The following FAM110B variants were observed in gnomAD, a reference collection of about 807,000 sequenced individuals.
FAM110B encodes family with sequence similarity 110 member B.
A neutral mutation model predicts 20.4 loss-of-function variants in FAM110B; 6 were observed. That is an observed-to-expected ratio of 0.29 (90% confidence interval 0.16 to 0.58). The LOEUF (loss-of-function observed/expected upper bound fraction) is 0.58, where lower values mean the gene tolerates loss of function less well. FAM110B is among the 20% of genes least tolerant of loss of function. The probability of loss-of-function intolerance (pLI) is 0.90; values close to 1 mark genes in which losing one functional copy is unlikely to be tolerated. For synonymous variants in FAM110B, 226 were observed against 214.1 expected (o/e 1.06, Z -0.49); for missense variants, 434 against 498.2 (o/e 0.87, Z 1.23).
chr8:58,078,802 A>G lies in FAM110B; in HGVS notation c.-325+3179A>G, dbSNP rs1031432383. Among the ~76,000 whole-genome samples, 6 of 152,130 alleles carry G rather than the reference A, an allele frequency of 3.9e-5. No homozygotes were observed. The East Asian group carries it at 7.7e-4, about 20-fold the overall frequency. The stretch of plus-strand genomic sequence containing the variant: ...CCTGACCTCGTGATCCGCCCGCCTC[A>G]GCCTCCCAATGTGCTGGGATTACAG... On this transcript the variant is annotated intron_variant, in intron 3 of 3. Coordinates refer to ENST00000519262, the MANE Select transcript of FAM110B (RefSeq NM_001377989.1).
rs998583951 is a variant in FAM110B, at chr8:58,105,345, T to C, written c.-325+29722T>C. Among the ~76,000 whole-genome samples the C allele has an allele frequency of 2.6e-5, 4 of 152,036 alleles. No individual in the cohort carries two copies. In the East Asian group the frequency reaches 7.8e-4, roughly 29 times the overall value. On this transcript the variant is annotated intron_variant, in intron 3 of 3. Coordinates refer to ENST00000519262, the MANE Select transcript of FAM110B (RefSeq NM_001377989.1). ...AATGAGAAGATAGATATAAAGCACTTAGCATATTCTGCTGTTCTGTTGGCT... is the reference window on the plus strand; with the variant it reads ...AATGAGAAGATAGATATAAAGCACTCAGCATATTCTGCTGTTCTGTTGGCT...
intron 3 of FAM110B, among the ~76,000 whole-genome samples, chr8:58,080,231 A>G (rs930360999): frequency 6.6e-6 from 1 of 152,244 alleles, no homozygotes; most frequent in African/African-American, 2.4e-5. Flanking sequence ...AGGGTCATAC[A>G]TGCAACAGGA....
intron 3 of FAM110B, among the ~76,000 whole-genome samples, chr8:58,101,558 T>C (rs1045350006): frequency 2.0e-5 from 3 of 152,186 alleles, no homozygotes; most frequent in Admixed American, 2.0e-4. Context: ...AAAATAGCTT[T>C]TTGTTTTCTT....
At chr8:58,122,374 A>G (rs1191054203) in intron 3 of FAM110B, among the ~76,000 whole-genome samples, 1 of 151,994 alleles carries the variant, frequency 6.6e-6, no homozygotes, top group Admixed American at 6.6e-5. Context: ...ATTAACTTTT[A>G]ATATTATTTA....
intron 2 of FAM110B, among the ~76,000 whole-genome samples, chr8:58,047,286 T>C (rs1440044712): frequency 6.6e-6 from 1 of 152,166 alleles, no homozygotes; most frequent in Non-Finnish European, 1.5e-5. Flanking sequence ...CCCAGGAGTC[T>C]CAGCCTATCT....
chr8:58,005,086 A>G (rs534390287), intron 1 of FAM110B, among the ~76,000 whole-genome samples: 2 of 152,308 alleles, frequency 1.3e-5, no homozygotes, highest in East Asian at 1.9e-4. Context: ...TGCCTTCCTC[A>G]TTAAGCAAAA....
chr8:58,036,496 T>A (rs1279606380), intron 2 of FAM110B, among the ~76,000 whole-genome samples: 1 of 152,232 alleles, frequency 6.6e-6, no homozygotes, highest in Non-Finnish European at 1.5e-5. Flanking sequence ...TAAATTTGCC[T>A]TATTTCATGG....
At chr8:58,014,291 G>A (rs1171445289) in intron 1 of FAM110B, among the ~76,000 whole-genome samples, 1 of 152,120 alleles carries the variant, frequency 6.6e-6, no homozygotes, top group Non-Finnish European at 1.5e-5. Flanking sequence ...TAGGAACCCT[G>A]GATCTGGGTC....
intron 2 of FAM110B, among the ~76,000 whole-genome samples, chr8:58,046,648 G>A (rs1805324900): frequency 6.6e-6 from 1 of 152,176 alleles, no homozygotes; most frequent in Admixed American, 6.5e-5. Context: ...CTTAGAGCAG[G>A]AATCTAAGAA....
intron 2 of FAM110B, among the ~76,000 whole-genome samples, chr8:58,063,210 AC>A (rs1563355754): frequency 6.6e-6 from 1 of 151,974 alleles, no homozygotes; most frequent in Non-Finnish European, 1.5e-5. Context: ...TGAAACATTT[AC>A]CCCCTCCAGT....
intron 2 of FAM110B, among the ~76,000 whole-genome samples, chr8:58,064,255 C>T (rs1805716483): frequency 1.3e-5 from 2 of 152,282 alleles, no homozygotes; most frequent in Middle Eastern, 6.8e-3. Context: ...CAAACCATAT[C>T]AAAAGGATAC....
intron 3 of FAM110B, among the ~76,000 whole-genome samples, chr8:58,139,820 C>T (rs1017748527): frequency 2.0e-5 from 3 of 152,138 alleles, no homozygotes; most frequent in African/African-American, 7.2e-5. Context: ...GTCCCAGCTA[C>T]TCGGAAGGCT....
At chr8:58,032,426 A>G (rs970602849) in intron 2 of FAM110B, 5 of 152,220 alleles carry the variant, frequency 3.3e-5, no homozygotes, top group Non-Finnish European at 7.3e-5. Context: ...TTTCTACTCA[A>G]AAGCCACTCT....
rs182163931 is a variant in FAM110B at position 58,074,142 on chromosome 8, A to G, written c.-413-1393A>G. ...TGCCTAAGCTGGATGGTAGTCCCTT[A>G]GAGCAGCTCTCTGACCCAGCGGACC... On this transcript the variant is annotated intron_variant, in intron 2 of 3. Coordinates refer to ENST00000519262, the MANE Select transcript of FAM110B (RefSeq NM_001377989.1). Among the ~76,000 whole-genome samples the G allele has an allele frequency of 7.1e-4, 108 of 152,252 alleles. 1 individual carries two copies. The East Asian group carries it at 0.017, about 24-fold the overall frequency.
chr8:58,040,597 C>T (rs1563348362), intron 2 of FAM110B, among the ~76,000 whole-genome samples: 1 of 152,158 alleles, frequency 6.6e-6, no homozygotes, highest in Non-Finnish European at 1.5e-5. Context: ...CGGATGCATT[C>T]ACATCTTAGG....
At chr8:58,071,334 G>T (rs1277791856) in intron 2 of FAM110B, among the ~76,000 whole-genome samples, 2 of 152,020 alleles carry the variant, frequency 1.3e-5, no homozygotes, top group South Asian at 2.1e-4. Flanking sequence ...CTTAAAAATT[G>T]ATGTCCTTCC....
intron 3 of FAM110B, among the ~76,000 whole-genome samples, chr8:58,141,782 A>C (rs1370137677): frequency 2.6e-5 from 4 of 152,250 alleles, no homozygotes; most frequent in Non-Finnish European, 5.9e-5. Context: ...TGTTGCGTCA[A>C]CAATGAGCCA....
At chr8:58,100,821 C>T (rs914873496) in intron 3 of FAM110B, 1 of 152,198 alleles carries the variant, frequency 6.6e-6, no homozygotes, top group Non-Finnish European at 1.5e-5. Context: ...GAGGTTAGAA[C>T]TTACACTAAT....
chr8:58,144,538 A>G (rs1803814177), intron 3 of FAM110B, among the ~76,000 whole-genome samples: 1 of 152,228 alleles, frequency 6.6e-6, no homozygotes, highest in Non-Finnish European at 1.5e-5. Context: ...CCCTTCACAG[A>G]TTACTAAAAT....
Sources: gnomAD v4.1 joint callset for allele counts (sites outside exome capture counted in the v4.1 genomes callset) on GRCh38, gnomAD v4.1.1 for gene constraint, MANE v1.5 for transcripts, NCBI Gene and HGNC (gene_info 2026-07-23, HGNC 2026-07-21) for gene names.